RPL37: variants seen among roughly 807,000 people sequenced by gnomAD.
RPL37 encodes ribosomal protein L37, also known as large ribosomal subunit protein eL37.
A neutral mutation model predicts 14.8 loss-of-function variants in RPL37; 1 was observed. That is an observed-to-expected ratio of 0.07 (90% confidence interval 0.02 to 0.32). The LOEUF is 0.32. RPL37 is among the 10% of genes least tolerant of loss of function. The probability of loss-of-function intolerance (pLI) is 1.00; values close to 1 mark genes in which losing one functional copy is unlikely to be tolerated. For synonymous variants in RPL37, 53 were observed against 45.8 expected, an observed-to-expected ratio of 1.16 and a Z score of -0.63; for missense variants, 100 against 128.3, an observed-to-expected ratio of 0.78 and a Z score of 1.06.
Position 40,831,467 on chromosome 5 carries a change from G to C in RPL37, c.*1037C>G, listed in dbSNP as rs1745638490. 1 of 152,284 alleles carries C rather than the reference G, an allele frequency of 6.6e-6. No individual in the cohort carries two copies. The highest frequency in any genetic ancestry group is 2.1e-4 in the South Asian group (1 of 4,826). The allele number at this position is 152,284 out of a possible 1,614,324, so 9.4% of individuals were successfully genotyped here. On this transcript the variant is annotated 3_prime_UTR_variant, in exon 4 of 4. Transcript: ENST00000274242. ...GCTAGCACATTATAAAGCCATTCCA[G>C]GTTACAAGTAAAAGTGATACCCTTC...
In RPL37 at chr5:40,832,325, A is replaced by G; in HGVS notation, c.*179T>C. On this transcript the variant is annotated 3_prime_UTR_variant, in exon 4 of 4. Transcript: ENST00000274242. ...TTAACCGTGTTACAAACCCAGTCCA[A>G]AAGTAAACATTCCAAAACAGTCACT... is the stretch of plus-strand genomic sequence containing the variant. 1 of 661,728 alleles carries G rather than the reference A, an allele frequency of 1.5e-6. No individual in the cohort carries two copies. The highest frequency in any genetic ancestry group is 1.7e-5 in the South Asian group (1 of 59,134). 41.0% of individuals were successfully genotyped at this position (661,728 alleles called of 1,614,324 possible). A position where few individuals can be genotyped will look rare whatever the true frequency, so the allele number is the denominator to read the frequency against.
rs115102720 is a variant in RPL37, at chr5:40,834,929, G to A, written c.3+254C>T. ...CCCTCGGCTCCCAACCAAGGCTAGA[G>A]CCGTGAAAGGTCTCCAAAGGTTGGA... On this transcript the variant is annotated intron_variant, in intron 1 of 3. Transcript: ENST00000274242. 1,508 of 620,268 alleles carry A rather than the reference G, an allele frequency of 2.4e-3. 16 individuals carry two copies. The African/African-American group carries it at 0.026, about 11-fold the overall frequency. 38.4% of individuals were successfully genotyped at this position (620,268 alleles called of 1,614,324 possible). A position where few individuals can be genotyped will look rare whatever the true frequency, so the allele number is the denominator to read the frequency against.
chr5:40,834,347 C>G, intron 2 of RPL37, 82 bp from the exon 3 acceptor site: 2 of 1,565,066 alleles, frequency 1.3e-6, no homozygotes, highest in Non-Finnish European at 1.8e-6. Context: ...AGTTTTATGC[C>G]ACCTCATCGG....
rs1745534569 is a variant in RPL37, at chr5:40,827,177, GATTTAATT to G, written c.*5319_*5326del. 6.6e-6 allele frequency: 1 copy of G among 152,248 alleles called. No homozygotes were observed. The highest frequency in any genetic ancestry group is 2.4e-5 in the African/African-American group (1 of 41,446). The allele number at this position is 152,248 out of a possible 1,614,324, so 9.4% of individuals were successfully genotyped here. On this transcript the variant is annotated 3_prime_UTR_variant, in exon 4 of 4. Transcript: ENST00000274242. ...ACAAATGCCTGAGACAGAAAAAGTC[GATTTAATT>G]ATCTGCGGGGCCCAGGGATTATGAA...
At position 40,834,969 on chromosome 5, in the gene RPL37, A is replaced by G. The variant is rs111405284; in HGVS notation, c.3+214T>C. 1,275 of 668,806 alleles carry G rather than the reference A, an allele frequency of 1.9e-3. 19 individuals are homozygous for G. In the African/African-American group the frequency reaches 0.021, roughly 11 times the overall value. 41.4% of individuals were successfully genotyped at this position (668,806 alleles called of 1,614,324 possible). On this transcript the variant is annotated intron_variant, in intron 1 of 3. Coordinates refer to ENST00000274242, the MANE Select transcript of RPL37 (RefSeq NM_000997.5). ...CAAAGGTTGGACCGAGGCAAAGGAC[A>G]CAATGCGGCTCTAGCACCACAATTA...
Position 40,830,002 on chromosome 5 carries a change from G to T in RPL37, c.*2502C>A, listed in dbSNP as rs905063560. 1 of 151,942 alleles carries T rather than the reference G, an allele frequency of 6.6e-6. No homozygotes were observed. The highest frequency in any genetic ancestry group is 1.5e-5 in the Non-Finnish European group (1 of 68,002). The allele number at this position is 151,942 out of a possible 1,614,324, so 9.4% of individuals were successfully genotyped here. A position where few individuals can be genotyped will look rare whatever the true frequency, so the allele number is the denominator to read the frequency against. Reference sequence around the variant, plus strand: ...CCACAGATTCAACCTTTCTATTTTTGTAACTTTACAGAACATAACCAGTTA... The same window carrying T: ...CCACAGATTCAACCTTTCTATTTTTTTAACTTTACAGAACATAACCAGTTA... On this transcript the variant is annotated 3_prime_UTR_variant, in exon 4 of 4. Transcript: ENST00000274242.
At position 40,835,208 on chromosome 5, in the gene RPL37, G is replaced by T; in HGVS notation, c.-23C>A. The T allele has an allele frequency of 6.2e-7, 1 of 1,613,942 alleles. No individual in the cohort carries two copies. The highest frequency in any genetic ancestry group is 1.1e-5 in the South Asian group (1 of 91,054). Reference sequence around the variant, plus strand: ...CATCTCGCTTCTGCGGCCGAGACCAGAAAGACCGGAAGAGAAGGCACTTCC... The same window carrying T: ...CATCTCGCTTCTGCGGCCGAGACCATAAAGACCGGAAGAGAAGGCACTTCC... On this transcript the variant is annotated 5_prime_UTR_variant, in exon 1 of 4. The change creates a new upstream start codon in the 5' untranslated region. Transcript: ENST00000274242.
intron 1 of RPL37, 87 bp from the exon 2 acceptor site, chr5:40,834,693 T>C: frequency 7.0e-7 from 1 of 1,437,370 alleles, no homozygotes; most frequent in Middle Eastern, 1.8e-4. Flanking sequence ...CTGATAAAAT[T>C]TAAAGGCAAT....
At chr5:40,835,093 G>C in intron 1 of RPL37, 90 bp downstream of exon 1, 1 of 1,577,086 alleles carries the variant, frequency 6.3e-7, no homozygotes, top group Non-Finnish European at 8.7e-7. Context: ...CCCTTATCCG[G>C]AATCTTGCCA....
chr5:40,832,792 C>A, intron 3 of RPL37: 1 of 633,544 alleles, frequency 1.6e-6, no homozygotes, highest in Non-Finnish European at 3.0e-6. Context: ...ACTGCAACTG[C>A]AATAAAGGCT....
At position 40,830,336 on chromosome 5, in the gene RPL37, G is replaced by A. The variant is rs1378329661; in HGVS notation, c.*2168C>T. 1 of 152,140 alleles carries A rather than the reference G, an allele frequency of 6.6e-6. No homozygotes were observed. Among genetic ancestry groups the A allele is most frequent in the Non-Finnish European group, 1.5e-5 (1 of 68,062 alleles). The allele number at this position is 152,140 out of a possible 1,614,324, so 9.4% of individuals were successfully genotyped here. A position where few individuals can be genotyped will look rare whatever the true frequency, so the allele number is the denominator to read the frequency against. Reference sequence around the variant, plus strand: ...AAATATAGACAATAGGTGGGGTGTGGTGGCTCGTCCCTGTAATCCCAGCAC... The same window carrying A: ...AAATATAGACAATAGGTGGGGTGTGATGGCTCGTCCCTGTAATCCCAGCAC... On this transcript the variant is annotated 3_prime_UTR_variant, in exon 4 of 4. Transcript: ENST00000274242.
Position 40,825,993 on chromosome 5 carries a change from G to GCCTC in RPL37, c.*6507_*6510dup, listed in dbSNP as rs1191773017. On this transcript the variant is annotated 3_prime_UTR_variant, in exon 4 of 4. Transcript: ENST00000274242. ...AAGGCGTGTGGGATTACAGATGTGAGCCTCCGCACCCGGCCGCTCCTCAGT... is the reference window on the plus strand; with the variant it reads ...AAGGCGTGTGGGATTACAGATGTGAGCCTCCCTCCGCACCCGGCCGCTCCTCAGT... 6.6e-6 allele frequency: 1 copy of GCCTC among 152,220 alleles called. No homozygotes were observed. The highest frequency in any genetic ancestry group is 1.9e-4 in the East Asian group (1 of 5,194). 9.4% of individuals were successfully genotyped at this position (152,220 alleles called of 1,614,324 possible).
intron 2 of RPL37, 62 bp from the exon 3 acceptor site, chr5:40,834,327 T>C: frequency 6.4e-7 from 1 of 1,564,780 alleles, no homozygotes; most frequent in Non-Finnish European, 8.8e-7. Context: ...GTAGGTGTTG[T>C]TAACACACGA....
rs889289103 is a variant in RPL37, at chr5:40,827,575, C to T, written c.*4929G>A. 10 of 152,156 alleles carry T rather than the reference C, an allele frequency of 6.6e-5. No homozygotes were observed. Among genetic ancestry groups the T allele is most frequent in the African/African-American group, 2.4e-4 (10 of 41,426 alleles). 9.4% of individuals were successfully genotyped at this position (152,156 alleles called of 1,614,324 possible). A position where few individuals can be genotyped will look rare whatever the true frequency, so the allele number is the denominator to read the frequency against. ...AGGGTATACTCCCACCGTATAAAGA[C>T]ACAAACATAAAAGCAATGTTTTGAT... On this transcript the variant is annotated 3_prime_UTR_variant, in exon 4 of 4. Transcript: ENST00000274242.
rs550122704 is a variant in RPL37 at position 40,833,471 on chromosome 5, T to G, written c.224+710A>C. ...ACTACTCTTTAATATGCAGGTTCTC[T>G]CAGCTAAGTCTACGGCGGAGCTGAG... On this transcript the variant is annotated intron_variant, in intron 3 of 3. Transcript: ENST00000274242. 7.9e-5 allele frequency among the ~76,000 whole-genome samples: 12 copies of G among 152,328 alleles called. No homozygotes were observed. In the South Asian group the frequency reaches 2.5e-3, roughly 32 times the overall value.
rs1187873768 is a variant in RPL37 at position 40,826,579 on chromosome 5, T to A, written c.*5925A>T. 6.6e-6 allele frequency: 1 copy of A among 152,190 alleles called. No homozygotes were observed. Among genetic ancestry groups the A allele is most frequent in the East Asian group, 1.9e-4 (1 of 5,192 alleles). 9.4% of individuals were successfully genotyped at this position (152,190 alleles called of 1,614,324 possible). ...GGAAGCCCTTCAGAGAGCTTTGAAA[T>A]GTGTTTCGTACAACCATTTAGCTGG... On this transcript the variant is annotated 3_prime_UTR_variant, in exon 4 of 4. Transcript: ENST00000274242.
intron 3 of RPL37, 180 bp downstream of exon 3, chr5:40,834,001 T>C (rs1051981445): frequency 3.2e-5 from 19 of 593,520 alleles, no homozygotes; most frequent in African/African-American, 3.2e-4. Flanking sequence ...GCCGTGATCG[T>C]GCCACTACAC....
In RPL37 at chr5:40,828,888, A is replaced by G. The variant is rs988205713; in HGVS notation, c.*3616T>C. On this transcript the variant is annotated 3_prime_UTR_variant, in exon 4 of 4. Coordinates refer to ENST00000274242, the MANE Select transcript of RPL37 (RefSeq NM_000997.5). Reference sequence around the variant, plus strand: ...CCATACATAAATATGTCAACAAATGAACTTCTCCCTCTCTCCACTTCTGTC... The same window carrying G: ...CCATACATAAATATGTCAACAAATGGACTTCTCCCTCTCTCCACTTCTGTC... 3.4e-4 allele frequency: 51 copies of G among 152,162 alleles called. 1 individual carries two copies. The highest frequency in any genetic ancestry group is 1.2e-3 in the African/African-American group (51 of 41,428). The allele number at this position is 152,162 out of a possible 1,614,324, so 9.4% of individuals were successfully genotyped here.
At chr5:40,835,130 G>C in intron 1 of RPL37, 53 bp downstream of exon 1, 1 of 1,612,902 alleles carries the variant, frequency 6.2e-7, no homozygotes, top group South Asian at 1.1e-5. Context: ...AAACAGAGAG[G>C]CACAAAGGAC....
Sources: allele counts gnomAD v4.1 joint callset (sites outside exome capture counted in the v4.1 genomes callset), GRCh38; gene constraint gnomAD v4.1.1; transcripts MANE v1.5; gene names NCBI Gene and HGNC (gene_info 2026-07-23, HGNC 2026-07-21).